Variants in GPM6A observed in about 807,000 individuals in gnomAD.
GPM6A encodes neuronal membrane glycoprotein M6-a.
Under a neutral mutation model 32.1 loss-of-function variants are expected in GPM6A, and 7 were observed. The ratio of observed to expected loss-of-function variants is 0.22; its 90% CI spans 0.12 to 0.41. The LOEUF (loss-of-function observed/expected upper bound fraction) is 0.41. Ranked by LOEUF, GPM6A falls within the 10% of genes least tolerant of loss-of-function variation. The probability of loss-of-function intolerance (pLI) is 1.00; values close to 1 mark genes in which losing one functional copy is unlikely to be tolerated. For missense variants in GPM6A, 235 were observed against 347.2 expected (o/e 0.68, Z 2.57); for synonymous variants, 130 against 123.4 (o/e 1.05, Z -0.35).
intron 1 of GPM6A, among the ~76,000 whole-genome samples, chr4:175,894,163 T>C (rs562611089): frequency 3.8e-4 from 58 of 152,244 alleles, no homozygotes; most frequent in Admixed American, 5.9e-4. Context: ...ATGGCAGATA[T>C]AATTGGAAAA....
At chr4:175,919,363 C>T (rs948042422) in intron 1 of GPM6A, among the ~76,000 whole-genome samples, 1 of 152,108 alleles carries the variant, frequency 6.6e-6, no homozygotes, top group African/African-American at 2.4e-5. Context: ...CCTTTTTAAT[C>T]CAGCAAGATC....
intron 1 of GPM6A, among the ~76,000 whole-genome samples, chr4:175,977,926 G>C (rs138243223): frequency 6.6e-6 from 1 of 152,126 alleles, no homozygotes; most frequent in Non-Finnish European, 1.5e-5. Context: ...CTTCGCATGC[G>C]CACCACTTAA....
chr4:175,852,244 C>A (rs749433239), intron 1 of GPM6A, among the ~76,000 whole-genome samples: 3 of 151,414 alleles, frequency 2.0e-5, no homozygotes, highest in Admixed American at 6.6e-5. Flanking sequence ...TGTGTGAGAA[C>A]CTGGGGGAGA....
At chr4:175,915,737 A>T (rs1738473385) in intron 1 of GPM6A, among the ~76,000 whole-genome samples, 1 of 152,216 alleles carries the variant, frequency 6.6e-6, no homozygotes, top group African/African-American at 2.4e-5. Flanking sequence ...CTCACTGGCA[A>T]TACTCAGGGT....
intron 1 of GPM6A, among the ~76,000 whole-genome samples, chr4:175,952,495 C>T (rs1739848239): frequency 1.3e-5 from 2 of 152,246 alleles, no homozygotes; most frequent in Non-Finnish European, 2.9e-5. Context: ...GCGGAGGCTA[C>T]AGTACCTCCA....
chr4:175,957,762 C>T (rs138215098), intron 1 of GPM6A, among the ~76,000 whole-genome samples: 5 of 152,154 alleles, frequency 3.3e-5, no homozygotes, highest in African/African-American at 1.2e-4. Flanking sequence ...TAAATAAAGA[C>T]AAAAAATAAA....
At chr4:175,868,687 A>G (rs1246722641) in intron 1 of GPM6A, among the ~76,000 whole-genome samples, 1 of 152,184 alleles carries the variant, frequency 6.6e-6, no homozygotes. Flanking sequence ...CATGTTATGT[A>G]TCATTTCAAT....
At chr4:175,910,845 A>G (rs1246360465) in intron 1 of GPM6A, among the ~76,000 whole-genome samples, 1 of 152,106 alleles carries the variant, frequency 6.6e-6, no homozygotes, top group Admixed American at 6.6e-5. Flanking sequence ...TGTAGCAACT[A>G]CTCTACTCCT....
intron 1 of GPM6A, among the ~76,000 whole-genome samples, chr4:175,954,655 T>C (rs992946299): frequency 4.6e-5 from 7 of 152,208 alleles, no homozygotes; most frequent in African/African-American, 1.7e-4. Context: ...ACAATGGAAG[T>C]CATCATTTCT....
chr4:175,862,788 G>A (rs1262717284), intron 1 of GPM6A, among the ~76,000 whole-genome samples: 1 of 151,550 alleles, frequency 6.6e-6, no homozygotes, highest in African/African-American at 2.4e-5. Context: ...ATTCTGGCAG[G>A]TATATCCAGT....
At chr4:176,002,163 G>GC in intron 1 of GPM6A, 1 of 907,024 alleles carries the variant, frequency 1.1e-6, no homozygotes, top group Admixed American at 2.0e-5. Flanking sequence ...AGACAAGAGG[G>GC]CGGGGGGCGG....
At chr4:175,763,622 T>G (rs1163350158) in intron 1 of GPM6A, among the ~76,000 whole-genome samples, 1 of 152,188 alleles carries the variant, frequency 6.6e-6, no homozygotes, top group Non-Finnish European at 1.5e-5. Context: ...AACCCCAGAT[T>G]ATTTAATAGT....
chr4:175,724,303 G>T (rs1402384012), intron 1 of GPM6A, among the ~76,000 whole-genome samples: 1 of 152,214 alleles, frequency 6.6e-6, no homozygotes, highest in Admixed American at 6.5e-5. Flanking sequence ...CCAGCACTTT[G>T]GGAGGCCAAG....
chr4:175,947,181 A>G (rs1361464662), intron 1 of GPM6A, among the ~76,000 whole-genome samples: 1 of 96,420 alleles, frequency 1.0e-5, no homozygotes, highest in Non-Finnish European at 2.6e-5. Flanking sequence ...CTAACTACAG[A>G]GTCTTTAAAA....
chr4:175,863,053 A>G (rs1175286757), intron 1 of GPM6A, among the ~76,000 whole-genome samples: 1 of 152,036 alleles, frequency 6.6e-6, no homozygotes, highest in Non-Finnish European at 1.5e-5. Flanking sequence ...TGGTGATTGT[A>G]TTGAGTAGAC....
chr4:175,992,445 G>T (rs1204233492), intron 1 of GPM6A, among the ~76,000 whole-genome samples: 1 of 152,170 alleles, frequency 6.6e-6, no homozygotes, highest in Non-Finnish European at 1.5e-5. Context: ...GGAAAGATCT[G>T]TCAGCTTTGA....
At chr4:175,663,980 C>T (rs186655630) in intron 3 of GPM6A, among the ~76,000 whole-genome samples, 1 of 152,268 alleles carries the variant, frequency 6.6e-6, no homozygotes, top group East Asian at 1.9e-4. Context: ...GCATGAGCCA[C>T]CGTGCCCAGC....
intron 1 of GPM6A, among the ~76,000 whole-genome samples, chr4:175,722,882 G>T (rs1043466327): frequency 5.9e-5 from 2 of 33,870 alleles, no homozygotes; most frequent in Non-Finnish European, 1.3e-4. Flanking sequence ...TCTTTACAAA[G>T]AAATTAAAAA....
chr4:175,996,862 C>T lies in GPM6A; in HGVS notation c.-23+5447G>A, dbSNP rs530706557. ...GGCTACCCTCAATTTCTCCTTTCCT[C>T]GTATGAGCTGGCTGCTCCTCACATC... On this transcript the variant is annotated intron_variant, in intron 1 of 7. Transcript: ENST00000280187. Among the ~76,000 whole-genome samples the T allele has an allele frequency of 2.3e-3, 345 of 152,222 alleles. 1 individual carries two copies. Among genetic ancestry groups the T allele is most frequent in the Non-Finnish European group, 4.3e-3 (292 of 67,998 alleles).
Sources: gnomAD v4.1 joint callset for allele counts (sites outside exome capture counted in the v4.1 genomes callset) on GRCh38, gnomAD v4.1.1 for gene constraint, MANE v1.5 for transcripts, NCBI Gene and HGNC (gene_info 2026-07-23, HGNC 2026-07-21) for gene names.